The following MCTP1 variants were observed in gnomAD, a reference collection of about 807,000 sequenced individuals.
The protein encoded by MCTP1 is multiple C2 and transmembrane domain-containing protein 1.
In MCTP1, 69 loss-of-function variants were observed where a neutral mutation model predicts 120.6. That is an observed-to-expected ratio of 0.57 (90% CI 0.47 to 0.70). The LOEUF is 0.70. Among genes scored for constraint, MCTP1 ranks in the 30% least tolerant of loss-of-function variants. The pLI, the probability that MCTP1 is intolerant of heterozygous loss-of-function variation, is 0.00. For missense variants in MCTP1, 1,203 were observed against 1,248.8 expected, an observed-to-expected ratio of 0.96 and a Z score of 0.55; for synonymous variants, 529 against 493.1, an observed-to-expected ratio of 1.07 and a Z score of -0.96.
intron 2 of MCTP1, among the ~76,000 whole-genome samples, chr5:94,991,217 TA>T (rs1457864175): frequency 6.6e-6 from 1 of 152,244 alleles, no homozygotes; most frequent in African/African-American, 2.4e-5. Context: ...GCATTACTGA[TA>T]CTGTGCCTTA....
intron 10 of MCTP1, among the ~76,000 whole-genome samples, chr5:94,900,240 T>A (rs1805152903): frequency 6.6e-6 from 1 of 152,244 alleles, no homozygotes; most frequent in Admixed American, 6.5e-5. Flanking sequence ...CATTTTTGCA[T>A]GGCTAATTTT....
chr5:95,227,963 C>T (rs1364798538), intron 1 of MCTP1, among the ~76,000 whole-genome samples: 1 of 152,014 alleles, frequency 6.6e-6, no homozygotes, highest in Non-Finnish European at 1.5e-5. Flanking sequence ...AAGTCAGGAT[C>T]ATGTTTTTAT....
At chr5:94,954,712 C>A (rs755020253) in intron 2 of MCTP1, among the ~76,000 whole-genome samples, 2 of 152,012 alleles carry the variant, frequency 1.3e-5, no homozygotes, top group Non-Finnish European at 2.9e-5. Flanking sequence ...AGCATATATA[C>A]GCTGCTAAAA....
intron 1 of MCTP1, among the ~76,000 whole-genome samples, chr5:95,228,428 A>C (rs10866764): frequency 0.14 from 20,575 of 151,400 alleles, 1,377 homozygotes; most frequent in Middle Eastern, 0.19. Context: ...GAAAGATAAG[A>C]GAGTTTGGGC....
chr5:95,035,985 A>T (rs1841228154), intron 1 of MCTP1, among the ~76,000 whole-genome samples: 1 of 152,044 alleles, frequency 6.6e-6, no homozygotes. Context: ...AATAGTATTT[A>T]TTGGACCTGA....
chr5:95,214,878 G>A (rs1231468130), intron 1 of MCTP1, among the ~76,000 whole-genome samples: 1 of 121,988 alleles, frequency 8.2e-6, no homozygotes, highest in African/African-American at 3.2e-5. Flanking sequence ...GGTGGGGGGA[G>A]GGGGGAGGGA....
intron 17 of MCTP1, among the ~76,000 whole-genome samples, chr5:94,824,187 T>A (rs1302255862): frequency 6.6e-6 from 1 of 152,234 alleles, no homozygotes; most frequent in Non-Finnish European, 1.5e-5. Context: ...GGGTTTCTCA[T>A]AAATAGCTCT....
intron 3 of MCTP1, 86 bp downstream of exon 3, chr5:94,953,133 T>C: frequency 4.8e-6 from 6 of 1,256,190 alleles, no homozygotes; most frequent in South Asian, 1.6e-5. Context: ...GTGAAAACTC[T>C]CATCAGACAA....
chr5:94,971,435 A>G (rs1581637572), intron 2 of MCTP1, among the ~76,000 whole-genome samples: 1 of 152,166 alleles, frequency 6.6e-6, no homozygotes, highest in Non-Finnish European at 1.5e-5. Flanking sequence ...TTCTAGCAAG[A>G]TAAAGTTAAA....
intron 1 of MCTP1, among the ~76,000 whole-genome samples, chr5:95,120,932 A>G (rs1185613849): frequency 6.6e-6 from 1 of 152,122 alleles, no homozygotes; most frequent in East Asian, 1.9e-4. Flanking sequence ...AATTTGGAAA[A>G]ACCTAAAGAC....
chr5:95,050,725 G>C (rs1338213941), intron 1 of MCTP1, among the ~76,000 whole-genome samples: 1 of 152,198 alleles, frequency 6.6e-6, no homozygotes, highest in Non-Finnish European at 1.5e-5. Flanking sequence ...GCTTTGCTAT[G>C]AGTTAAATTA....
At chr5:94,967,081 C>A (rs1464731821) in intron 2 of MCTP1, among the ~76,000 whole-genome samples, 2 of 152,146 alleles carry the variant, frequency 1.3e-5, no homozygotes, top group African/African-American at 4.8e-5. Context: ...AATACTGATA[C>A]AACTTTTAGT....
In MCTP1 at chr5:94,848,425, C is replaced by T. The variant is rs144047989; in HGVS notation, c.2436+19908G>A. ...CGAGAAAATGCCTTCTCTATCTAAC[C>T]ACTTAAGATGTGAATATTTGTTGTG... On this transcript the variant is annotated intron_variant, in intron 17 of 22. Transcript: ENST00000515393. 2.9e-3 allele frequency among the ~76,000 whole-genome samples: 437 copies of T among 152,038 alleles called. 1 individual carries two copies. The highest frequency in any genetic ancestry group is 9.9e-3 in the African/African-American group (411 of 41,476).
At position 95,163,254 on chromosome 5, in the gene MCTP1, C is replaced by G. The variant is rs111986617; in HGVS notation, c.720+120602G>C. On this transcript the variant is annotated intron_variant, in intron 1 of 22. Transcript: ENST00000515393. The stretch of plus-strand genomic sequence containing the variant: ...CTGCCTCCCAGCAGGAGATCAATAA[C>G]TGTTGAATAGACAAGGCCTCAGTTC... 4.8e-3 allele frequency among the ~76,000 whole-genome samples: 735 copies of G among 152,242 alleles called. 5 individuals carry two copies. The highest frequency in any genetic ancestry group is 0.017 in the African/African-American group (701 of 41,558).
chr5:94,801,951 C>A (rs555637607), intron 17 of MCTP1, among the ~76,000 whole-genome samples: 1 of 152,308 alleles, frequency 6.6e-6, no homozygotes, highest in African/African-American at 2.4e-5. Flanking sequence ...ACATCAATAA[C>A]TTTCTTAAAA....
chr5:95,107,004 TAATA>T (rs1207221996), intron 1 of MCTP1, among the ~76,000 whole-genome samples: 1 of 152,198 alleles, frequency 6.6e-6, no homozygotes, highest in African/African-American at 2.4e-5. Flanking sequence ...TAGAGCACAA[TAATA>T]AATACTTTAT....
intron 19 of MCTP1, among the ~76,000 whole-genome samples, chr5:94,768,538 A>G (rs913220539): frequency 3.3e-5 from 5 of 152,088 alleles, no homozygotes; most frequent in African/African-American, 1.2e-4. Flanking sequence ...CAACTCAACT[A>G]AAAAAACCCA....
chr5:95,040,778 C>A (rs1475002573), intron 1 of MCTP1, among the ~76,000 whole-genome samples: 1 of 152,116 alleles, frequency 6.6e-6, no homozygotes, highest in Admixed American at 6.6e-5. Context: ...GGGTATGTGA[C>A]CTAAGCTCTT....
At chr5:94,726,937 T>A (rs1010764759) in intron 19 of MCTP1, among the ~76,000 whole-genome samples, 2 of 152,214 alleles carry the variant, frequency 1.3e-5, no homozygotes, top group African/African-American at 4.8e-5. Context: ...GAGAAAAGAA[T>A]CATATTAGTA....
Sources: gnomAD v4.1 joint callset for allele counts (sites outside exome capture counted in the v4.1 genomes callset) on GRCh38, gnomAD v4.1.1 for gene constraint, MANE v1.5 for transcripts, NCBI Gene and HGNC (gene_info 2026-07-23, HGNC 2026-07-21) for gene names.